Variants in TAF2 observed in about 807,000 individuals in gnomAD.
The protein encoded by TAF2 is transcription initiation factor TFIID subunit 2.
TAF2 carries 61 observed loss-of-function variants against 138.5 expected under a neutral mutation model. That is an observed-to-expected ratio of 0.44 (90% CI 0.36 to 0.54). The LOEUF (loss-of-function observed/expected upper bound fraction) is 0.54, where lower values mean the gene tolerates loss of function less well. Among genes scored for constraint, TAF2 ranks in the 20% least tolerant of loss-of-function variants. TAF2 has a pLI of 0.00. For missense variants in TAF2, 1,090 were observed against 1,427.9 expected (o/e 0.76, Z 3.81); for synonymous variants, 475 against 469.9 (o/e 1.01, Z -0.14).
At chr8:119,810,678 T>A (rs1824990621) in intron 3 of TAF2, among the ~76,000 whole-genome samples, 1 of 152,232 alleles carries the variant, frequency 6.6e-6, no homozygotes, top group South Asian at 2.1e-4. Flanking sequence ...TTTTAAGGAC[T>A]ATTTTATCTA....
intron 25 of TAF2, among the ~76,000 whole-genome samples, chr8:119,733,053 A>G (rs1257361428): frequency 6.6e-6 from 1 of 152,126 alleles, no homozygotes; most frequent in Non-Finnish European, 1.5e-5. Flanking sequence ...CTGGTTTTTC[A>G]TATGGGCTGA....
chr8:119,825,485 T>C (rs764104094), intron 2 of TAF2, among the ~76,000 whole-genome samples: 3 of 152,070 alleles, frequency 2.0e-5, no homozygotes, highest in African/African-American at 7.2e-5. Context: ...GAAGTCATGA[T>C]TGGTTTTGAA....
intron 2 of TAF2, among the ~76,000 whole-genome samples, chr8:119,823,976 G>A (rs1207327091): frequency 2.0e-5 from 3 of 152,156 alleles, no homozygotes; most frequent in Non-Finnish European, 4.4e-5. Context: ...AGAGATTTGT[G>A]GAACTTTGAA....
intron 5 of TAF2, 127 bp downstream of exon 5, chr8:119,803,751 G>C: frequency 1.0e-6 from 1 of 956,818 alleles, no homozygotes; most frequent in Non-Finnish European, 1.5e-6. Flanking sequence ...AAAGTAATTT[G>C]AAAGAAGTCT....
intron 17 of TAF2, among the ~76,000 whole-genome samples, chr8:119,779,249 GAC>G (rs10636618): frequency 0.077 from 11,409 of 147,274 alleles, 551 homozygotes; most frequent in South Asian, 0.2. Flanking sequence ...CACAACCTAA[GAC>G]ACACACACAC....
At chr8:119,777,472 C>G (rs1359334554) in intron 18 of TAF2, among the ~76,000 whole-genome samples, 2 of 152,108 alleles carry the variant, frequency 1.3e-5, no homozygotes, top group African/African-American at 4.8e-5. Flanking sequence ...GGGACACTCT[C>G]TAGCACAGCA....
chr8:119,735,065 A>C (rs1819136905), intron 25 of TAF2, among the ~76,000 whole-genome samples: 1 of 152,190 alleles, frequency 6.6e-6, no homozygotes, highest in South Asian at 2.1e-4. Flanking sequence ...TAATTTGCCC[A>C]AGGTGGTACT....
rs776399371 is a variant in TAF2 at position 119,760,717 on chromosome 8, T to C, written c.2580A>G (p.Val860=). ...TTGGCACATGTCCGTTCTTCTGAAG[T>C]ACCCGTATGGCTCTCAAACAACTAG... ...ITVSCLRAIR[V]LQKNGHVPSD... is the part of the protein sequence containing the mutation. The change falls in exon 20 of 26, where the codon GTA becomes GTG. Residue 860 remains valine (V), a synonymous_variant. Coordinates refer to ENST00000378164, the MANE Select transcript of TAF2 (RefSeq NM_003184.4). The C allele has an allele frequency of 1.2e-6, 2 of 1,613,974 alleles. No individual in the cohort carries two copies. The highest frequency in any genetic ancestry group is 1.1e-5 in the South Asian group (1 of 91,084).
intron 20 of TAF2, 75 bp from the exon 21 acceptor site, chr8:119,758,217 G>A: frequency 1.5e-6 from 2 of 1,297,360 alleles, no homozygotes; most frequent in East Asian, 2.5e-5. Flanking sequence ...CAAGCAGGGA[G>A]TTTACATTTA....
intron 2 of TAF2, among the ~76,000 whole-genome samples, chr8:119,827,590 C>G (rs960810294): frequency 7.9e-5 from 12 of 152,170 alleles, no homozygotes; most frequent in Non-Finnish European, 1.3e-4. Context: ...GGCTCAGTTA[C>G]AACTACAATT....
At chr8:119,804,086 G>C in intron 4 of TAF2, 67 bp from the exon 5 acceptor site, 1 of 1,557,492 alleles carries the variant, frequency 6.4e-7, no homozygotes, top group Admixed American at 1.7e-5. Context: ...TAAAGACAAA[G>C]ATTTAATGCT....
In TAF2 at chr8:119,742,635, G is replaced by A. The variant is rs1338193139; in HGVS notation, c.3236C>T (p.Ala1079Val). Residue 1079 changes from alanine (A) to valine (V), a missense_variant, in exon 25 of 26, where the codon GCT becomes GTT. Physicochemically the swap from Ala to Val is moderately conservative, Grantham distance 64. This residue lies in a region of TAF2 where 580 missense variants were observed against 719.6 expected (regional missense o/e 0.81). Transcript: ENST00000378164. Reference protein sequence around the residue: ...STPGLSKYRPASSRSALIPQH... With the variant: ...STPGLSKYRPVSSRSALIPQH... ...GGGTATTAAAGCAGATCGGGAGCTA[G>A]CTGGCCGATATTTCGAGAGCCCTAA... 1.9e-6 allele frequency: 3 copies of A among 1,613,758 alleles called. No individual in the cohort carries two copies. Among genetic ancestry groups the A allele is most frequent in the East Asian group, 2.2e-5 (1 of 44,864 alleles).
chr8:119,783,801 C>A (rs1822836168), intron 15 of TAF2, among the ~76,000 whole-genome samples, 168 bp from the exon 16 acceptor site: 1 of 152,108 alleles, frequency 6.6e-6, no homozygotes, highest in African/African-American at 2.4e-5. Context: ...TGACAAATTT[C>A]TCATTATGTT....
chr8:119,795,059 GTGACAA>G (rs1823724346), intron 9 of TAF2, among the ~76,000 whole-genome samples: 1 of 150,568 alleles, frequency 6.6e-6, no homozygotes, highest in African/African-American at 2.4e-5. Context: ...AAAAAAAGAT[GTGACAA>G]TGACAACATA....
At chr8:119,832,448 C>G in intron 1 of TAF2, 34 bp downstream of exon 1, 1 of 1,606,530 alleles carries the variant, frequency 6.2e-7, no homozygotes. Context: ...GCAACAAAAC[C>G]AAAAGGAAGG....
At chr8:119,819,308 A>G (rs1372771994) in intron 3 of TAF2, 38 bp downstream of exon 3, 1 of 1,598,998 alleles carries the variant, frequency 6.3e-7, no homozygotes, top group African/African-American at 1.3e-5. Flanking sequence ...TTTTTTCAAA[A>G]CTGTTAAAAA....
At chr8:119,817,080 CATTTACTAAGT>C (rs113178412) in intron 3 of TAF2, among the ~76,000 whole-genome samples, 16,811 of 152,186 alleles carry the variant, frequency 0.11, 1,013 homozygotes, top group South Asian at 0.23. Flanking sequence ...ATTAGTCAAG[CATTTACTAAGT>C]GGCCATGGCC....
intron 18 of TAF2, 98 bp from the exon 19 acceptor site, chr8:119,762,706 A>C: frequency 1.7e-6 from 2 of 1,194,972 alleles, no homozygotes; most frequent in Non-Finnish European, 2.3e-6. Flanking sequence ...GATAAAATAA[A>C]AATTTTCCCA....
At chr8:119,773,092 C>CAA (rs34234495) in intron 18 of TAF2, among the ~76,000 whole-genome samples, 1 of 135,808 alleles carries the variant, frequency 7.4e-6, no homozygotes, top group Non-Finnish European at 1.6e-5. Context: ...TGGATTTTCT[C>CAA]AAAAAAAAAA....
Sources: allele counts gnomAD v4.1 joint callset (sites outside exome capture counted in the v4.1 genomes callset), GRCh38; gene constraint gnomAD v4.1.1; regional missense constraint gnomAD v4.1.1; transcripts MANE v1.5; gene names NCBI Gene and HGNC (gene_info 2026-07-23, HGNC 2026-07-21).